The following ARSJ variants were observed in gnomAD, a reference collection of about 807,000 sequenced individuals.
The protein encoded by ARSJ is arylsulfatase family member J.
In ARSJ, 26 loss-of-function variants were observed where a neutral mutation model predicts 35.9. That is an observed-to-expected ratio of 0.72 (90% CI 0.53 to 1.00). The LOEUF (loss-of-function observed/expected upper bound fraction) is 1.00, where lower values mean the gene tolerates loss of function less well. Ranked by LOEUF, ARSJ falls within the 50% of genes least tolerant of loss-of-function variation. The pLI is 0.00. For missense variants in ARSJ, 667 were observed against 723.6 expected (o/e 0.92, Z 0.90); for synonymous variants, 294 against 267.6 (o/e 1.10, Z -0.96).
intron 1 of ARSJ, among the ~76,000 whole-genome samples, chr4:113,936,512 A>G (rs1724776433): frequency 6.6e-6 from 1 of 151,972 alleles, no homozygotes. Flanking sequence ...GAATGTTGCT[A>G]TGTAAAGAAG....
intron 1 of ARSJ, among the ~76,000 whole-genome samples, chr4:113,974,843 C>T (rs1388036874): frequency 6.6e-6 from 1 of 152,110 alleles, no homozygotes; most frequent in African/African-American, 2.4e-5. Context: ...AATGCATAAC[C>T]TATGTTCACA....
At chr4:113,909,622 G>A (rs1023147829) in intron 1 of ARSJ, among the ~76,000 whole-genome samples, 19 of 152,228 alleles carry the variant, frequency 1.2e-4, no homozygotes, top group African/African-American at 4.1e-4. Context: ...CTCTCCTACC[G>A]CCATGTGAAG....
At chr4:113,937,515 A>G (rs1363689882) in intron 1 of ARSJ, among the ~76,000 whole-genome samples, 2 of 152,100 alleles carry the variant, frequency 1.3e-5, no homozygotes, top group Admixed American at 1.3e-4. Flanking sequence ...CTCCTATTCA[A>G]CATAGTATTG....
intron 1 of ARSJ, among the ~76,000 whole-genome samples, chr4:113,937,485 A>C (rs1316091356): frequency 6.6e-6 from 1 of 152,072 alleles, no homozygotes; most frequent in Non-Finnish European, 1.5e-5. Flanking sequence ...GCCACAAGAA[A>C]AGGATGCCCT....
chr4:113,944,317 A>C (rs1004671815), intron 1 of ARSJ: 1 of 151,982 alleles, frequency 6.6e-6, no homozygotes, highest in Admixed American at 6.6e-5. Context: ...TCAGCCAATG[A>C]TGGAAAAAAA....
intron 1 of ARSJ, among the ~76,000 whole-genome samples, chr4:113,945,789 T>C (rs560341190): frequency 2.0e-5 from 3 of 152,258 alleles, no homozygotes; most frequent in East Asian, 3.9e-4. Context: ...TGTATACTTG[T>C]ATTTTGTCTG....
rs559607783 is a variant in ARSJ at position 113,905,949 on chromosome 4, G to A, written c.399-2274C>T. On this transcript the variant is annotated intron_variant, in intron 1 of 1. Transcript: ENST00000315366. ...TCCCAAAGTACTGCCACTGCACCTG[G>A]CCTGTTCTTGATAATTTTTGGTCCA... 1.4e-4 allele frequency among the ~76,000 whole-genome samples: 21 copies of A among 152,034 alleles called. No homozygotes were observed. In the South Asian group the frequency reaches 3.7e-3, roughly 27 times the overall value.
Position 113,902,561 on chromosome 4 carries a change from T to G in ARSJ, c.1513A>C (p.Arg505=), listed in dbSNP as rs1403027119. The change falls in exon 2 of 2, where the codon AGG becomes CGG. Residue 505 remains arginine, a synonymous_variant. Coordinates refer to ENST00000315366, the MANE Select transcript of ARSJ (RefSeq NM_024590.4). ...GGATACCTGTTAGATAGGTCCACCCTCTCATATGGGTCGGCTGTGATGTTG... is the reference window on the plus strand; with the variant it reads ...GGATACCTGTTAGATAGGTCCACCCGCTCATATGGGTCGGCTGTGATGTTG... The part of the protein sequence containing the change: ...LFNITADPYE[R]VDLSNRYPGI... 5.6e-6 allele frequency: 9 copies of G among 1,614,010 alleles called. No homozygotes were observed. Among genetic ancestry groups the G allele is most frequent in the Non-Finnish European group, 7.6e-6 (9 of 1,180,042 alleles).
At chr4:113,922,058 T>C (rs1023826653) in intron 1 of ARSJ, among the ~76,000 whole-genome samples, 3 of 152,168 alleles carry the variant, frequency 2.0e-5, no homozygotes, top group East Asian at 3.9e-4. Flanking sequence ...GACAGCAGTA[T>C]CAACATCATA....
chr4:113,958,153 T>G (rs753984960), intron 1 of ARSJ, among the ~76,000 whole-genome samples: 11 of 152,028 alleles, frequency 7.2e-5, no homozygotes, highest in Non-Finnish European at 1.6e-4. Context: ...AGCCTCTATT[T>G]CCTCTTACTC....
At chr4:113,968,930 C>T (rs1055184881) in intron 1 of ARSJ, among the ~76,000 whole-genome samples, 1 of 151,950 alleles carries the variant, frequency 6.6e-6, no homozygotes, top group Non-Finnish European at 1.5e-5. Flanking sequence ...ACCTATGAAC[C>T]CTAAAACAAT....
In ARSJ at chr4:113,928,022, G is replaced by C. The variant is rs535178098; in HGVS notation, c.399-24347C>G. Among the ~76,000 whole-genome samples the C allele has an allele frequency of 2.4e-4, 36 of 152,178 alleles. No homozygotes were observed. The East Asian group carries it at 6.6e-3, about 28-fold the overall frequency. On this transcript the variant is annotated intron_variant, in intron 1 of 1. Transcript: ENST00000315366. ...ATGTCTATGACAATTATGCATTCTG[G>C]CGCTGGGGAAATGACCACAGAATGA...
At chr4:113,933,027 A>T (rs906845642) in intron 1 of ARSJ, among the ~76,000 whole-genome samples, 6 of 151,944 alleles carry the variant, frequency 3.9e-5, no homozygotes, top group African/African-American at 1.4e-4. Context: ...AAAAGGAGAC[A>T]TAACAACTGA....
At chr4:113,908,142 T>C (rs949053297) in intron 1 of ARSJ, among the ~76,000 whole-genome samples, 5 of 152,202 alleles carry the variant, frequency 3.3e-5, no homozygotes, top group Admixed American at 3.3e-4. Context: ...GACAATTAAA[T>C]GCAATATGTG....
intron 1 of ARSJ, among the ~76,000 whole-genome samples, chr4:113,912,221 A>G (rs895755123): frequency 6.6e-6 from 1 of 152,220 alleles, no homozygotes; most frequent in African/African-American, 2.4e-5. Flanking sequence ...TTAGAAGAAA[A>G]GCAAGAAGCA....
chr4:113,970,234 T>G (rs917162910), intron 1 of ARSJ, among the ~76,000 whole-genome samples: 1 of 152,172 alleles, frequency 6.6e-6, no homozygotes, highest in Non-Finnish European at 1.5e-5. Flanking sequence ...AGGAGAAAGA[T>G]CTGGCTAAAA....
At chr4:113,932,049 G>C (rs749435693) in intron 1 of ARSJ, among the ~76,000 whole-genome samples, 4 of 152,116 alleles carry the variant, frequency 2.6e-5, no homozygotes, top group Middle Eastern at 3.4e-3. Flanking sequence ...AAGACCAGGA[G>C]TAGCTATACT....
At chr4:113,967,930 G>T (rs1726998664) in intron 1 of ARSJ, among the ~76,000 whole-genome samples, 1 of 152,094 alleles carries the variant, frequency 6.6e-6, no homozygotes, top group African/African-American at 2.4e-5. Context: ...CATAGTTTTT[G>T]AATATTTTCT....
chr4:113,919,116 A>G (rs1006471199), intron 1 of ARSJ, among the ~76,000 whole-genome samples: 6 of 152,092 alleles, frequency 3.9e-5, no homozygotes, highest in Non-Finnish European at 7.4e-5. Flanking sequence ...TAAAAATACC[A>G]TTTTTTCCTA....
Sources: allele counts gnomAD v4.1 joint callset (sites outside exome capture counted in the v4.1 genomes callset), GRCh38; gene constraint gnomAD v4.1.1; transcripts MANE v1.5; gene names NCBI Gene and HGNC (gene_info 2026-07-23, HGNC 2026-07-21).